IHO1: variants seen among roughly 807,000 people sequenced by gnomAD.
IHO1 encodes the protein interactor of HORMAD1 protein 1.
In IHO1, 13 loss-of-function variants were observed where a neutral mutation model predicts 31.0. That is an observed-to-expected ratio of 0.42 (90% CI 0.27 to 0.67). IHO1 has a LOEUF of 0.67. Among genes scored for constraint, IHO1 ranks in the 30% least tolerant of loss-of-function variants. The probability of loss-of-function intolerance (pLI) is 0.24; values close to 1 mark genes in which losing one functional copy is unlikely to be tolerated. For missense variants in IHO1, 599 were observed against 687.5 expected (o/e 0.87, Z 1.44); for synonymous variants, 221 against 248.4 (o/e 0.89, Z 1.04).
intron 6 of IHO1, among the ~76,000 whole-genome samples, chr3:49,250,245 A>G (rs2046743462): frequency 6.6e-6 from 1 of 152,220 alleles, no homozygotes; most frequent in Admixed American, 6.5e-5. Flanking sequence ...GAGAGATTCA[A>G]TCATTTTTCA....
intron 4 of IHO1, among the ~76,000 whole-genome samples, chr3:49,242,616 A>G (rs2046644193): frequency 6.6e-6 from 1 of 152,124 alleles, no homozygotes; most frequent in Non-Finnish European, 1.5e-5. Context: ...AGGATTAGGA[A>G]GTTGGACAAC....
At chr3:49,236,086 C>T (rs2046556045) in intron 2 of IHO1, among the ~76,000 whole-genome samples, 1 of 152,070 alleles carries the variant, frequency 6.6e-6, no homozygotes, top group South Asian at 2.1e-4. Context: ...ACTATAAATA[C>T]AAAAATTAGC....
Position 49,256,211 on chromosome 3 carries a change from C to G in IHO1, c.714C>G (p.Phe238Leu). 1 of 1,614,140 alleles carries G rather than the reference C, an allele frequency of 6.2e-7. No homozygotes were observed. The highest frequency in any genetic ancestry group is 8.5e-7 in the Non-Finnish European group (1 of 1,180,020). ...EVLVAQQSQE[F>L]QQLCEQLGQL... Reference sequence around the variant, plus strand: ...TAGTTGCTCAGCAGAGTCAGGAATTCCAGCAGCTGTGTGAGCAGCTAGGCC... The same window carrying G: ...TAGTTGCTCAGCAGAGTCAGGAATTGCAGCAGCTGTGTGAGCAGCTAGGCC... The change falls in exon 8 of 8, where the codon TTC (phenylalanine) becomes TTG (leucine). Residue 238 changes from phenylalanine (F) to leucine (L), a missense_variant. Physicochemically the swap from Phe to Leu is conservative, Grantham distance 22. Coordinates refer to ENST00000452691, the MANE Select transcript of IHO1 (RefSeq NM_001135197.2). The surrounding 1 kb of genome is among the most constrained non-coding windows in gnomAD (Gnocchi z 4.6).
chr3:49,231,519 C>A (rs144970694), intron 2 of IHO1, among the ~76,000 whole-genome samples: 3 of 152,316 alleles, frequency 2.0e-5, no homozygotes, highest in Admixed American at 6.5e-5. Flanking sequence ...GAGGTATTGA[C>A]TGTTTTTGAT....
At chr3:49,235,373 C>T (rs1313607244) in intron 2 of IHO1, among the ~76,000 whole-genome samples, 3 of 151,418 alleles carry the variant, frequency 2.0e-5, no homozygotes, top group East Asian at 4.0e-4. Context: ...ATTACAGGCA[C>T]CCACCATCAG....
chr3:49,254,830 G>C (rs992171536), intron 6 of IHO1, among the ~76,000 whole-genome samples: 2 of 152,056 alleles, frequency 1.3e-5, no homozygotes, highest in African/African-American at 4.8e-5. Flanking sequence ...TTGGGAGGCC[G>C]AGGCGGGCAG....
At chr3:49,211,986 C>A in intron 2 of IHO1, 150 bp downstream of exon 2, 1 of 467,236 alleles carries the variant, frequency 2.1e-6, no homozygotes, top group Non-Finnish European at 4.0e-6. Flanking sequence ...CACGGTGAAA[C>A]CCCGTCTCTA....
intron 7 of IHO1, 146 bp from the exon 8 acceptor site, chr3:49,255,988 G>T: frequency 1.5e-6 from 1 of 688,140 alleles, no homozygotes; most frequent in Non-Finnish European, 2.4e-6. Flanking sequence ...TTCAACTCCC[G>T]AGTGTAATTG....
intron 2 of IHO1, among the ~76,000 whole-genome samples, chr3:49,225,518 G>C (rs1037912847): frequency 2.6e-5 from 4 of 152,160 alleles, no homozygotes; most frequent in Admixed American, 2.6e-4. Context: ...TGGAGCTTGA[G>C]TTTGTTCCTT....
At chr3:49,241,461 T>C in intron 4 of IHO1, 72 bp downstream of exon 4, 1 of 1,424,408 alleles carries the variant, frequency 7.0e-7, no homozygotes, top group Non-Finnish European at 9.5e-7. Flanking sequence ...GTGTCAGTAA[T>C]TAAATAATTC....
In IHO1 at chr3:49,257,142, A is replaced by C. The variant is rs2046836596; in HGVS notation, c.1645A>C (p.Ser549Arg). The change falls in exon 8 of 8, where the codon AGC becomes CGC. Residue 549 changes from serine (S) to arginine (R), a missense_variant. Ser to Arg is a moderately radical substitution (Grantham distance 110). Transcript: ENST00000452691. ...TTCCCAAGACAACTGGCTACTTTCC[A>C]GCAGTTCCCAGGGGGACCACCAGAT... ...CSSQDNWLLS[S>R]SSQGDHQMSW... is the part of the protein sequence containing the mutation. 1.2e-6 allele frequency: 2 copies of C among 1,614,060 alleles called. No individual in the cohort carries two copies. The highest frequency in any genetic ancestry group is 1.7e-6 in the Non-Finnish European group (2 of 1,180,046).
chr3:49,229,642 A>G (rs951509045), intron 2 of IHO1, among the ~76,000 whole-genome samples: 2 of 152,210 alleles, frequency 1.3e-5, no homozygotes, highest in African/African-American at 4.8e-5. Flanking sequence ...TCAGGGAAAG[A>G]AATTTAAAGG....
intron 4 of IHO1, among the ~76,000 whole-genome samples, chr3:49,242,060 C>T (rs2046638694): frequency 6.6e-6 from 1 of 152,118 alleles, no homozygotes; most frequent in Admixed American, 6.6e-5. Context: ...TCTCCTGCCA[C>T]AGCCTCCCGA....
intron 6 of IHO1, among the ~76,000 whole-genome samples, chr3:49,253,099 AG>A (rs1343940831): frequency 4.0e-5 from 6 of 151,356 alleles, no homozygotes; most frequent in Admixed American, 4.0e-4. Context: ...CCATTCTCCT[AG>A]CACAGTGTCT....
At chr3:49,248,783 A>T (rs1203759620) in intron 6 of IHO1, among the ~76,000 whole-genome samples, 1 of 152,186 alleles carries the variant, frequency 6.6e-6, no homozygotes, top group Non-Finnish European at 1.5e-5. Context: ...TATCACATGA[A>T]TTAGGACAGG....
At chr3:49,205,766 AT>A (rs71627374) in intron 1 of IHO1, among the ~76,000 whole-genome samples, 103 of 115,328 alleles carry the variant, frequency 8.9e-4, no homozygotes, top group Middle Eastern at 4.7e-3. Context: ...CGCCTGGGCA[AT>A]TTTTTTTTTT....
intron 6 of IHO1, among the ~76,000 whole-genome samples, chr3:49,250,979 G>A (rs1363705020): frequency 6.6e-6 from 1 of 151,978 alleles, no homozygotes; most frequent in Non-Finnish European, 1.5e-5. Context: ...AGCCAAGATC[G>A]CGCCACTGCA....
At chr3:49,197,049 C>A (rs975569378), upstream of IHO1, among the ~76,000 whole-genome samples, 3 of 146,736 alleles carry the variant, frequency 2.0e-5, no homozygotes, top group African/African-American at 7.6e-5. Context: ...GGCGCCATCT[C>A]GGCTCACTGC....
intron 3 of IHO1, among the ~76,000 whole-genome samples, chr3:49,240,311 CCTT>C (rs1436680425): frequency 2.6e-5 from 4 of 152,172 alleles, no homozygotes; most frequent in Admixed American, 2.6e-4. Flanking sequence ...GCAACCTCCT[CCTT>C]CTGTGTTAAA....
Sources: gnomAD v4.1 joint callset for allele counts (sites outside exome capture counted in the v4.1 genomes callset) on GRCh38, gnomAD v4.1.1 for gene constraint, Gnocchi (gnomAD v3.1) non-coding constraint, MANE v1.5 for transcripts, NCBI Gene and HGNC (gene_info 2026-07-23, HGNC 2026-07-21) for gene names.